The following PDZRN4 variants were observed in gnomAD, a reference collection of about 807,000 sequenced individuals.
The protein encoded by PDZRN4 is PDZ domain containing ring finger 4, also known as PDZ domain-containing RING finger protein 4.
PDZRN4 carries 70 observed loss-of-function variants against 99.0 expected under a neutral mutation model. That is an observed-to-expected ratio of 0.71 (90% CI 0.58 to 0.86). The LOEUF (loss-of-function observed/expected upper bound fraction) is 0.86, where lower values mean the gene tolerates loss of function less well. Ranked by LOEUF, PDZRN4 falls within the 40% of genes least tolerant of loss-of-function variation. PDZRN4 has a pLI of 0.00. For synonymous variants in PDZRN4, 551 were observed against 501.6 expected (o/e 1.10, Z -1.32); for missense variants, 1,474 against 1,331.2 (o/e 1.11, Z -1.67).
At chr12:41,554,147 G>A (rs1346416759) in intron 6 of PDZRN4, among the ~76,000 whole-genome samples, 1 of 152,132 alleles carries the variant, frequency 6.6e-6, no homozygotes, top group Non-Finnish European at 1.5e-5. Context: ...TCTGATTAGG[G>A]TGAGGAAGTA....
At chr12:41,212,068 A>G (rs1950892015) in intron 3 of PDZRN4, among the ~76,000 whole-genome samples, 1 of 151,966 alleles carries the variant, frequency 6.6e-6, no homozygotes, top group Non-Finnish European at 1.5e-5. Context: ...TGTACCTGTC[A>G]GCCTAATGGT....
intron 3 of PDZRN4, among the ~76,000 whole-genome samples, chr12:41,332,924 T>G (rs1164338123): frequency 2.0e-5 from 3 of 152,030 alleles, no homozygotes; most frequent in Non-Finnish European, 4.4e-5. Flanking sequence ...CTTGCATGGA[T>G]CCACCCATTC....
At chr12:41,556,133 G>A (rs1033120770) in intron 7 of PDZRN4, among the ~76,000 whole-genome samples, 2 of 152,110 alleles carry the variant, frequency 1.3e-5, no homozygotes, top group East Asian at 1.9e-4. Flanking sequence ...CTTGCCATAC[G>A]CTTAACACAG....
At chr12:41,462,741 A>G (rs182648651) in intron 3 of PDZRN4, among the ~76,000 whole-genome samples, 32 of 152,240 alleles carry the variant, frequency 2.1e-4, no homozygotes, top group Non-Finnish European at 4.1e-4. Context: ...AGAATATATT[A>G]TAAAAAATTG....
intron 3 of PDZRN4, among the ~76,000 whole-genome samples, chr12:41,437,191 T>C (rs1285912014): frequency 6.6e-6 from 1 of 152,196 alleles, no homozygotes; most frequent in Non-Finnish European, 1.5e-5. Flanking sequence ...ATTTTTGTAG[T>C]ATCAGAATTA....
At chr12:41,538,374 T>A (rs2120759297) in intron 5 of PDZRN4, among the ~76,000 whole-genome samples, 1 of 152,298 alleles carries the variant, frequency 6.6e-6, no homozygotes, top group South Asian at 2.1e-4. Context: ...GTTTAGATAT[T>A]TCCTTACTTA....
intron 3 of PDZRN4, among the ~76,000 whole-genome samples, chr12:41,326,872 G>T (rs1361716177): frequency 6.6e-6 from 1 of 152,106 alleles, no homozygotes; most frequent in East Asian, 1.9e-4. Flanking sequence ...TATATAACAG[G>T]TTATCCCGGT....
At chr12:41,489,368 T>G (rs1463687405) in intron 3 of PDZRN4, among the ~76,000 whole-genome samples, 1 of 152,100 alleles carries the variant, frequency 6.6e-6, no homozygotes, top group African/African-American at 2.4e-5. Flanking sequence ...CAGCCCAAAA[T>G]GCCAACAGTA....
At chr12:41,555,578 G>C (rs965942992) in intron 6 of PDZRN4, 120 bp from the exon 7 acceptor site, 1 of 738,552 alleles carries the variant, frequency 1.4e-6, no homozygotes, top group Non-Finnish European at 2.4e-6. Flanking sequence ...TATGTATACT[G>C]TCACAAATCA....
intron 3 of PDZRN4, among the ~76,000 whole-genome samples, chr12:41,398,811 A>T (rs1431007139): frequency 1.3e-5 from 2 of 152,290 alleles, no homozygotes; most frequent in African/African-American, 4.8e-5. Context: ...AGAAATTACA[A>T]TAGTGTCTAA....
intron 3 of PDZRN4, among the ~76,000 whole-genome samples, chr12:41,287,109 C>T (rs184497268): frequency 6.6e-6 from 1 of 152,096 alleles, no homozygotes; most frequent in Non-Finnish European, 1.5e-5. Context: ...TGTCTCCAAG[C>T]ATTATTTAAA....
At chr12:41,442,308 A>G (rs567268576) in intron 3 of PDZRN4, among the ~76,000 whole-genome samples, 20 of 152,182 alleles carry the variant, frequency 1.3e-4, no homozygotes, top group African/African-American at 1.9e-4. Context: ...ATTTTCTTCT[A>G]TCACTAGTTA....
At chr12:41,512,178 T>G (rs1345637198) in intron 5 of PDZRN4, among the ~76,000 whole-genome samples, 2 of 152,090 alleles carry the variant, frequency 1.3e-5, no homozygotes, top group Non-Finnish European at 2.9e-5. Flanking sequence ...CTTTCATTCA[T>G]TTGTACCATA....
At chr12:41,406,342 C>T (rs1476161686) in intron 3 of PDZRN4, among the ~76,000 whole-genome samples, 3 of 151,594 alleles carry the variant, frequency 2.0e-5, no homozygotes, top group Non-Finnish European at 1.5e-5. Flanking sequence ...TGGTTGAAAA[C>T]GAAACAAAAA....
chr12:41,373,894 T>A (rs1231614696), intron 3 of PDZRN4, among the ~76,000 whole-genome samples: 1 of 152,206 alleles, frequency 6.6e-6, no homozygotes, highest in East Asian at 1.9e-4. Context: ...AACTAATAAA[T>A]GTCCATGAAA....
chr12:41,366,458 C>A (rs541405305), intron 3 of PDZRN4, among the ~76,000 whole-genome samples: 1 of 152,222 alleles, frequency 6.6e-6, no homozygotes, highest in East Asian at 1.9e-4. Context: ...AGCTCTGATA[C>A]AGCTGAGAAG....
chr12:41,255,787 A>C (rs937707403), intron 3 of PDZRN4, among the ~76,000 whole-genome samples: 12 of 152,110 alleles, frequency 7.9e-5, no homozygotes, highest in Non-Finnish European at 1.6e-4. Flanking sequence ...GTGACGGGGG[A>C]GTCAGCCCAT....
intron 3 of PDZRN4, among the ~76,000 whole-genome samples, chr12:41,351,597 G>A (rs894385082): frequency 2.0e-5 from 3 of 151,794 alleles, no homozygotes; most frequent in Non-Finnish European, 2.9e-5. Context: ...AGAACGGGGA[G>A]GTGCTACACA....
chr12:41,466,118 A>G (rs1592070925), intron 3 of PDZRN4, among the ~76,000 whole-genome samples: 1 of 152,206 alleles, frequency 6.6e-6, no homozygotes, highest in East Asian at 1.9e-4. Flanking sequence ...AATCCAGGCT[A>G]GAGGTTAAAA....
Sources: allele counts gnomAD v4.1 joint callset (sites outside exome capture counted in the v4.1 genomes callset), GRCh38; gene constraint gnomAD v4.1.1; transcripts MANE v1.5; gene names NCBI Gene and HGNC (gene_info 2026-07-23, HGNC 2026-07-21).